LAMC1: variants seen among roughly 807,000 people sequenced by gnomAD.
LAMC1 encodes the protein laminin subunit gamma 1, also known as laminin subunit gamma-1.
In LAMC1, 38 loss-of-function variants were observed where a neutral mutation model predicts 173.6. That is an observed-to-expected ratio of 0.22 (90% CI 0.17 to 0.29). The LOEUF is 0.29. Among genes scored for constraint, LAMC1 ranks in the 10% least tolerant of loss-of-function variants. The pLI, the probability that LAMC1 is intolerant of heterozygous loss-of-function variation, is 1.00. For missense variants in LAMC1, 1,824 were observed against 2,051.8 expected, an observed-to-expected ratio of 0.89 and a Z score of 2.14; for synonymous variants, 746 against 749.1, an observed-to-expected ratio of 1.00 and a Z score of 0.07.
At chr1:183,127,165 A>G in intron 16 of LAMC1, 61 bp from the exon 17 acceptor site, 3 of 1,499,766 alleles carry the variant, frequency 2.0e-6, no homozygotes, top group Non-Finnish European at 2.7e-6. Flanking sequence ...ATCAGTCTGA[A>G]TTAAGAGATA....
chr1:183,130,418 A>AAT lies in LAMC1; in HGVS notation c.3358_3359dup (p.Arg1121SerfsTer19). ...GTCCAGCCAAATTAGCCGTTTACAG[A>AAT]ATATCCGGAATACCATTGAAGAGAC... On this transcript the variant is annotated frameshift_variant, in exon 19 of 28. Transcript: ENST00000258341. LOFTEE classifies it high-confidence loss of function. 6.2e-7 allele frequency: 1 copy of AAT among 1,614,230 alleles called. No individual in the cohort carries two copies. The highest frequency in any genetic ancestry group is 8.5e-7 in the Non-Finnish European group (1 of 1,180,028).
At chr1:183,139,274 C>A (rs1362451411) in intron 26 of LAMC1, among the ~76,000 whole-genome samples, 1 of 152,178 alleles carries the variant, frequency 6.6e-6, no homozygotes, top group Non-Finnish European at 1.5e-5. Flanking sequence ...CCCTCACATG[C>A]ACTATCTCAT....
chr1:183,028,595 G>T (rs1362568468), intron 1 of LAMC1, among the ~76,000 whole-genome samples: 1 of 152,230 alleles, frequency 6.6e-6, no homozygotes, highest in Admixed American at 6.5e-5. Flanking sequence ...CTACCTAGTT[G>T]ATTGCATTCG....
At chr1:183,028,151 C>T (rs1351916668) in intron 1 of LAMC1, among the ~76,000 whole-genome samples, 1 of 146,594 alleles carries the variant, frequency 6.8e-6, no homozygotes, top group Non-Finnish European at 1.5e-5. Context: ...ATAAGGCATT[C>T]CTCCCCCCCC....
chr1:183,047,358 G>A (rs1654292679), intron 1 of LAMC1, among the ~76,000 whole-genome samples: 1 of 152,182 alleles, frequency 6.6e-6, no homozygotes, highest in Non-Finnish European at 1.5e-5. Flanking sequence ...CTCAATTACA[G>A]AGTGTGATAA....
At chr1:183,119,843 T>C (rs1431591253) in intron 11 of LAMC1, among the ~76,000 whole-genome samples, 1 of 152,184 alleles carries the variant, frequency 6.6e-6, no homozygotes, top group East Asian at 1.9e-4. Flanking sequence ...GGATTGGTGA[T>C]TCCTTAATCA....
At chr1:183,063,480 A>G (rs1654790620) in intron 1 of LAMC1, among the ~76,000 whole-genome samples, 1 of 152,224 alleles carries the variant, frequency 6.6e-6, no homozygotes, top group African/African-American at 2.4e-5. Flanking sequence ...TACCTTAGTG[A>G]AAATGACAGC....
chr1:183,068,182 A>G (rs1654924211), intron 1 of LAMC1, among the ~76,000 whole-genome samples: 1 of 152,056 alleles, frequency 6.6e-6, no homozygotes, highest in Non-Finnish European at 1.5e-5. Context: ...CTTTGTTACA[A>G]TCTTATTGCC....
intron 1 of LAMC1, among the ~76,000 whole-genome samples, chr1:183,036,543 C>T (rs1268676965): frequency 6.6e-6 from 1 of 151,546 alleles, no homozygotes; most frequent in Non-Finnish European, 1.5e-5. Flanking sequence ...GCTGCGATTA[C>T]AGGCATGTGC....
intron 1 of LAMC1, among the ~76,000 whole-genome samples, chr1:183,024,378 G>A (rs1018786998): frequency 6.6e-6 from 1 of 152,228 alleles, no homozygotes; most frequent in Non-Finnish European, 1.5e-5. Flanking sequence ...GACTTAACGG[G>A]ATTCTGGCTC....
chr1:183,036,135 A>G (rs935558191), intron 1 of LAMC1, among the ~76,000 whole-genome samples: 9 of 137,200 alleles, frequency 6.6e-5, no homozygotes, highest in East Asian at 2.1e-4. Flanking sequence ...GTCTTGCTCT[A>G]TCTCCCAGGC....
rs569717259 is a variant in LAMC1, at chr1:183,134,227, C to T, written c.3850-433C>T. On this transcript the variant is annotated intron_variant, in intron 22 of 27. Transcript: ENST00000258341. ...ATCTGAGGTGTTGACTTGATTTTTA[C>T]CATAAAGGTTTAGGTCTCTTTAGAT... 3.3e-5 allele frequency among the ~76,000 whole-genome samples: 5 copies of T among 152,174 alleles called. No individual in the cohort carries two copies. The South Asian group carries it at 1.0e-3, about 32-fold the overall frequency.
At chr1:183,114,869 C>T (rs1042565953) in intron 5 of LAMC1, 150 bp downstream of exon 5, 3 of 778,530 alleles carry the variant, frequency 3.9e-6, no homozygotes, top group Non-Finnish European at 6.0e-6. Flanking sequence ...TGTCTCTACC[C>T]CATGCCTCCA....
At chr1:183,072,860 A>C (rs935371885) in intron 1 of LAMC1, among the ~76,000 whole-genome samples, 6 of 152,222 alleles carry the variant, frequency 3.9e-5, no homozygotes, top group Non-Finnish European at 8.8e-5. Flanking sequence ...CTTTATGAGA[A>C]TCTAATGCCT....
chr1:183,121,453 AAATAAATT>A (rs1656471387), intron 11 of LAMC1, among the ~76,000 whole-genome samples: 2 of 152,080 alleles, frequency 1.3e-5, no homozygotes. Flanking sequence ...ATAAACAAAC[AAATAAATT>A]AATAAATAAA....
At chr1:183,054,103 T>C (rs993095156) in intron 1 of LAMC1, among the ~76,000 whole-genome samples, 4 of 152,226 alleles carry the variant, frequency 2.6e-5, no homozygotes, top group Non-Finnish European at 4.4e-5. Context: ...TTCTGCCACC[T>C]CCAATTTCAT....
At chr1:183,119,765 A>G (rs988342886) in intron 11 of LAMC1, among the ~76,000 whole-genome samples, 2 of 152,160 alleles carry the variant, frequency 1.3e-5, no homozygotes, top group Admixed American at 6.5e-5. Flanking sequence ...ATAAGAGCCA[A>G]GGGAGAAAAA....
intron 20 of LAMC1, among the ~76,000 whole-genome samples, chr1:183,131,825 C>A (rs985714097): frequency 1.3e-5 from 2 of 152,102 alleles, no homozygotes; most frequent in African/African-American, 4.8e-5. Context: ...AGTAGTTTTT[C>A]TGAAGAATTA....
rs955575596 is a variant in LAMC1 at position 183,145,083 on chromosome 1, G to A, written c.*2293G>A. The A allele has an allele frequency of 6.6e-6, 1 of 152,180 alleles. No homozygotes were observed. The highest frequency in any genetic ancestry group is 1.5e-5 in the Non-Finnish European group (1 of 68,036). 9.4% of individuals were successfully genotyped at this position (152,180 alleles called of 1,614,324 possible). A position where few individuals can be genotyped will look rare whatever the true frequency, so the allele number is the denominator to read the frequency against. On this transcript the variant is annotated 3_prime_UTR_variant, in exon 28 of 28. Coordinates refer to ENST00000258341, the MANE Select transcript of LAMC1 (RefSeq NM_002293.4). ...GCATTTGGTCAAGGTTGCAGAAGAG[G>A]ACTGAAGATTGACTGCCAAGCTAGT...
Sources: allele counts gnomAD v4.1 joint callset (sites outside exome capture counted in the v4.1 genomes callset), GRCh38; gene constraint gnomAD v4.1.1; transcripts MANE v1.5; gene names NCBI Gene and HGNC (gene_info 2026-07-23, HGNC 2026-07-21).